The following MRTFB variants were observed in gnomAD, a reference collection of about 807,000 sequenced individuals.
MRTFB encodes myocardin related transcription factor B, also known as myocardin-related transcription factor B.
Under a neutral mutation model 104.2 loss-of-function variants are expected in MRTFB, and 29 were observed. That is an observed-to-expected ratio of 0.28 (90% CI 0.21 to 0.38). The LOEUF (loss-of-function observed/expected upper bound fraction) is 0.38. Among genes scored for constraint, MRTFB ranks in the 10% least tolerant of loss-of-function variants. MRTFB has a pLI of 1.00. For synonymous variants in MRTFB, 535 were observed against 519.5 expected (o/e 1.03, Z -0.41); for missense variants, 1,270 against 1,341.6 (o/e 0.95, Z 0.83).
the MRTFB span, among the ~76,000 whole-genome samples, chr16:14,011,262 G>T: frequency 6.6e-6 from 1 of 152,226 alleles, no homozygotes; most frequent in Non-Finnish European, 1.5e-5. Flanking sequence ...AAGAGCCTTG[G>T]ACTCAGGAAG....
the MRTFB span, among the ~76,000 whole-genome samples, chr16:14,035,700 T>TA: frequency 1.3e-4 from 20 of 151,300 alleles, no homozygotes; most frequent in South Asian, 8.4e-4. Flanking sequence ...TTCTTTCTTT[T>TA]AAAAAAAAAT....
chr16:14,186,982 C>T, intron 3 of MRTFB: 1 of 1,597,832 alleles, frequency 6.3e-7, no homozygotes. Context: ...GATTTTGAAC[C>T]ATTAAAAGAA....
chr16:14,193,131 T>C (rs2040262980), intron 3 of MRTFB, among the ~76,000 whole-genome samples: 1 of 140,998 alleles, frequency 7.1e-6, no homozygotes, highest in Non-Finnish European at 1.5e-5. Flanking sequence ...CTTTCATTCC[T>C]TCACCCTCCA....
chr16:14,023,610 C>CACACAT, the MRTFB span, among the ~76,000 whole-genome samples: 4 of 106,974 alleles, frequency 3.7e-5, no homozygotes, highest in Non-Finnish European at 5.9e-5. Flanking sequence ...CACACACACA[C>CACACAT]ATACATATAC....
At chr16:14,039,760 CTT>C in the MRTFB span, among the ~76,000 whole-genome samples, 2,149 of 122,002 alleles carry the variant, frequency 0.018, 18 homozygotes, top group African/African-American at 0.052. Context: ...ATAATATGTT[CTT>C]TTTTTTTTTT....
the MRTFB span, among the ~76,000 whole-genome samples, chr16:14,013,829 A>G: frequency 6.6e-5 from 10 of 152,194 alleles, no homozygotes; most frequent in East Asian, 7.7e-4. Context: ...TAAGAATCCA[A>G]CCCTGAACGT....
rs552676182 is a variant in MRTFB, at chr16:14,225,360, T to C, written c.693+6362T>C. ...CAACGTAGTTTGTGAATGATGTCAG[T>C]AACATAGAGGGGGTGAAGCTGTAAA... On this transcript the variant is annotated intron_variant, in intron 8 of 16. Transcript: ENST00000571589. Among the ~76,000 whole-genome samples the C allele has an allele frequency of 5.3e-5, 8 of 152,268 alleles. No individual in the cohort carries two copies. The South Asian group carries it at 1.5e-3, about 28-fold the overall frequency.
the MRTFB span, among the ~76,000 whole-genome samples, chr16:14,007,956 T>C: frequency 1.3e-5 from 2 of 152,356 alleles, no homozygotes; most frequent in Admixed American, 1.3e-4. Flanking sequence ...TAATCATTCT[T>C]TATAGATTCT....
At chr16:14,218,738 G>C (rs2041544808) in intron 7 of MRTFB, 82 bp from the exon 8 acceptor site, 3 of 1,380,854 alleles carry the variant, frequency 2.2e-6, no homozygotes, top group South Asian at 1.6e-5. Flanking sequence ...ATTTTCATAG[G>C]AAACAATGTT....
chr16:14,198,003 G>A (rs552433987), intron 3 of MRTFB, among the ~76,000 whole-genome samples: 12 of 151,982 alleles, frequency 7.9e-5, no homozygotes, highest in East Asian at 3.9e-4. Flanking sequence ...TCCCTTCCCC[G>A]CAATCCCTGG....
the MRTFB span, among the ~76,000 whole-genome samples, chr16:14,001,890 G>A: frequency 6.6e-6 from 1 of 152,190 alleles, no homozygotes; most frequent in African/African-American, 2.4e-5. Context: ...CCTCTGCCAT[G>A]AGGCACTGTA....
the MRTFB span, among the ~76,000 whole-genome samples, chr16:14,009,074 G>A: frequency 7.9e-5 from 12 of 151,902 alleles, no homozygotes; most frequent in Non-Finnish European, 1.5e-4. Flanking sequence ...TCAACCTCCT[G>A]AGTAACTAGG....
intron 3 of MRTFB, chr16:14,195,565 TAGC>T: frequency 1.0e-6 from 1 of 985,362 alleles, no homozygotes; most frequent in Non-Finnish European, 1.2e-6. Context: ...TTCAACAGAG[TAGC>T]ATGTGCTTAC....
At chr16:14,063,146 G>C in the MRTFB span, among the ~76,000 whole-genome samples, 2 of 152,128 alleles carry the variant, frequency 1.3e-5, no homozygotes, top group Admixed American at 6.5e-5. Context: ...CACTGGGTGC[G>C]GCAGAGGTGG....
intron 3 of MRTFB, among the ~76,000 whole-genome samples, chr16:14,154,881 T>G (rs1422993708): frequency 6.6e-6 from 1 of 152,234 alleles, no homozygotes; most frequent in East Asian, 1.9e-4. Flanking sequence ...TGAAAGCCAG[T>G]AAGAGAGAAG....
At chr16:14,132,688 T>C (rs1296213948) in intron 2 of MRTFB, among the ~76,000 whole-genome samples, 1 of 152,240 alleles carries the variant, frequency 6.6e-6, no homozygotes, top group East Asian at 1.9e-4. Context: ...GGTTGCTGAT[T>C]TGAGATGCCC....
intron 2 of MRTFB, among the ~76,000 whole-genome samples, chr16:14,089,130 A>G (rs2034898031): frequency 6.6e-6 from 1 of 152,220 alleles, no homozygotes; most frequent in Admixed American, 6.5e-5. Context: ...GACTTTGACC[A>G]TTTTAAATAA....
At chr16:14,018,269 C>T in the MRTFB span, among the ~76,000 whole-genome samples, 1,518 of 152,226 alleles carry the variant, frequency 1.0e-2, 30 homozygotes, top group African/African-American at 0.035. Flanking sequence ...TTGGGCCTCT[C>T]TGAGCTTCAG....
chr16:14,031,486 ATAAC>A, the MRTFB span, among the ~76,000 whole-genome samples: 1 of 152,188 alleles, frequency 6.6e-6, no homozygotes, highest in Admixed American at 6.5e-5. Context: ...TACTAGAAAA[ATAAC>A]TAGCACATCA....
Sources: gnomAD v4.1 joint callset for allele counts (sites outside exome capture counted in the v4.1 genomes callset) on GRCh38, gnomAD v4.1.1 for gene constraint, MANE v1.5 for transcripts, NCBI Gene and HGNC (gene_info 2026-07-23, HGNC 2026-07-21) for gene names.